CCDC85A: variants seen among roughly 807,000 people sequenced by gnomAD.
CCDC85A encodes coiled-coil domain containing 85A.
In CCDC85A, 38 loss-of-function variants were observed where a neutral mutation model predicts 50.2. The observed-to-expected ratio is 0.76, with a 90% CI of 0.58 to 0.99. CCDC85A has a LOEUF of 0.99. Among genes scored for constraint, CCDC85A ranks in the 50% least tolerant of loss-of-function variants. The pLI is 0.00. For missense variants in CCDC85A, 820 were observed against 742.0 expected (o/e 1.11, Z -1.22); for synonymous variants, 366 against 301.4 (o/e 1.21, Z -2.22).
At chr2:56,286,407 T>A (rs76422505) in intron 2 of CCDC85A, among the ~76,000 whole-genome samples, 15,269 of 152,108 alleles carry the variant, frequency 0.1, 2,518 homozygotes, top group African/African-American at 0.34. Context: ...TTTTAAAAAA[T>A]TTTTTTAAAA....
intron 2 of CCDC85A, among the ~76,000 whole-genome samples, chr2:56,229,774 A>G (rs1472464253): frequency 6.6e-6 from 1 of 152,198 alleles, no homozygotes; most frequent in East Asian, 1.9e-4. Context: ...TCAATTTTTC[A>G]AAACAATATA....
At chr2:56,309,455 G>A (rs1672592719) in intron 2 of CCDC85A, among the ~76,000 whole-genome samples, 1 of 152,148 alleles carries the variant, frequency 6.6e-6, no homozygotes. Flanking sequence ...TATAGTGATA[G>A]TTTATTTAAT....
intron 4 of CCDC85A, among the ~76,000 whole-genome samples, chr2:56,373,722 G>C (rs997105266): frequency 6.6e-6 from 1 of 152,188 alleles, no homozygotes; most frequent in African/African-American, 2.4e-5. Flanking sequence ...CTAAGTCAGA[G>C]GAAATATGGC....
chr2:56,217,635 A>C (rs1668129412), intron 2 of CCDC85A, among the ~76,000 whole-genome samples: 1 of 151,850 alleles, frequency 6.6e-6, no homozygotes, highest in Non-Finnish European at 1.5e-5. Flanking sequence ...AGCATTGGTA[A>C]GGTGCTTTTT....
chr2:56,267,135 G>A (rs913735150), intron 2 of CCDC85A, among the ~76,000 whole-genome samples: 1 of 152,076 alleles, frequency 6.6e-6, no homozygotes, highest in South Asian at 2.1e-4. Flanking sequence ...CAACTGAGAA[G>A]TAGATGCTGT....
chr2:56,223,294 A>G (rs1301809299), intron 2 of CCDC85A, among the ~76,000 whole-genome samples: 3 of 152,084 alleles, frequency 2.0e-5, no homozygotes, highest in Non-Finnish European at 2.9e-5. Context: ...AATATTTTAG[A>G]CTTTCTGTGC....
intron 2 of CCDC85A, among the ~76,000 whole-genome samples, chr2:56,331,994 G>A (rs867792446): frequency 7.9e-5 from 12 of 151,970 alleles, no homozygotes; most frequent in East Asian, 7.7e-4. Flanking sequence ...ATTCAGTGTC[G>A]GACACCTGCC....
intron 2 of CCDC85A, among the ~76,000 whole-genome samples, chr2:56,264,940 G>C (rs1253794210): frequency 1.3e-5 from 2 of 152,150 alleles, no homozygotes; most frequent in African/African-American, 4.8e-5. Context: ...TGTAATTCAG[G>C]TCTCTGGCAA....
intron 2 of CCDC85A, among the ~76,000 whole-genome samples, chr2:56,280,077 C>T (rs1002768613): frequency 6.6e-6 from 1 of 152,188 alleles, no homozygotes; most frequent in Non-Finnish European, 1.5e-5. Flanking sequence ...CTCACCCCCC[C>T]ACCTCTAAAC....
At chr2:56,246,486 G>A (rs1256548745) in intron 2 of CCDC85A, among the ~76,000 whole-genome samples, 2 of 151,456 alleles carry the variant, frequency 1.3e-5, no homozygotes, top group Non-Finnish European at 2.9e-5. Flanking sequence ...TCTTCTAAAA[G>A]TTTTATAGTT....
chr2:56,253,851 A>G lies in CCDC85A; in HGVS notation c.1240+60411A>G, dbSNP rs572107731. On this transcript the variant is annotated intron_variant, in intron 2 of 5. Transcript: ENST00000407595. ...ATGCCAGTTGCTGAGATTGTGTGCT[A>G]GCTTAAATAAAATGTTTCCTCACAA... Among the ~76,000 whole-genome samples, 4 of 152,308 alleles carry G rather than the reference A, an allele frequency of 2.6e-5. No individual in the cohort carries two copies. In the South Asian group the frequency reaches 8.3e-4, roughly 32 times the overall value.
Position 56,184,315 on chromosome 2 carries a change from G to A in CCDC85A, c.-310G>A. ...GGTGCAGCTCCCCCGCTGTCCCCGA[G>A]GATTTCCCGCGGCAGCCCCGGGCTC... On this transcript the variant is annotated 5_prime_UTR_variant, in exon 1 of 6. Coordinates refer to ENST00000407595, the MANE Select transcript of CCDC85A (RefSeq NM_001080433.2). 1 of 630,134 alleles carries A rather than the reference G, an allele frequency of 1.6e-6. No homozygotes were observed. Among genetic ancestry groups the A allele is most frequent in the East Asian group, 6.1e-5 (1 of 16,314 alleles). 39.0% of individuals were successfully genotyped at this position (630,134 alleles called of 1,614,324 possible).
intron 2 of CCDC85A, among the ~76,000 whole-genome samples, chr2:56,211,593 T>C (rs893196275): frequency 6.6e-6 from 1 of 151,954 alleles, no homozygotes; most frequent in East Asian, 1.9e-4. Context: ...AAACTAAAGA[T>C]ATTCCTTTTC....
chr2:56,308,794 C>G (rs759248203), intron 2 of CCDC85A, among the ~76,000 whole-genome samples: 1 of 152,176 alleles, frequency 6.6e-6, no homozygotes, highest in Non-Finnish European at 1.5e-5. Context: ...GACCGCTGCG[C>G]TGTAGTAGAG....
chr2:56,293,393 A>G (rs1158174877), intron 2 of CCDC85A, among the ~76,000 whole-genome samples: 1 of 152,244 alleles, frequency 6.6e-6, no homozygotes, highest in Non-Finnish European at 1.5e-5. Flanking sequence ...AAATCTAGGC[A>G]GTACCATTCA....
intron 2 of CCDC85A, among the ~76,000 whole-genome samples, chr2:56,301,224 G>A (rs916994521): frequency 1.3e-5 from 2 of 152,068 alleles, no homozygotes; most frequent in African/African-American, 4.8e-5. Context: ...AAATCACTCA[G>A]TGGTCACTAA....
chr2:56,276,409 G>T (rs1159950437), intron 2 of CCDC85A, among the ~76,000 whole-genome samples: 1 of 152,050 alleles, frequency 6.6e-6, no homozygotes, highest in Non-Finnish European at 1.5e-5. Flanking sequence ...ATCTCATCTT[G>T]AATTGTAACT....
chr2:56,358,970 T>TG (rs11430924), intron 3 of CCDC85A, among the ~76,000 whole-genome samples: 1 of 60,718 alleles, frequency 1.6e-5, no homozygotes, highest in Non-Finnish European at 4.4e-5. Context: ...TATTTTTTTT[T>TG]TTTTTTTTTT....
At chr2:56,318,578 C>T (rs934946803) in intron 2 of CCDC85A, among the ~76,000 whole-genome samples, 5 of 152,052 alleles carry the variant, frequency 3.3e-5, no homozygotes, top group Admixed American at 2.0e-4. Context: ...GCATCTGGAA[C>T]ATTCAAATAT....
Sources: gnomAD v4.1 joint callset for allele counts (sites outside exome capture counted in the v4.1 genomes callset) on GRCh38, gnomAD v4.1.1 for gene constraint, MANE v1.5 for transcripts, NCBI Gene and HGNC (gene_info 2026-07-23, HGNC 2026-07-21) for gene names.